The following SHISA9 variants were observed in gnomAD, a reference collection of about 807,000 sequenced individuals.
SHISA9 encodes the protein shisa family member 9.
In SHISA9, 13 loss-of-function variants were observed where a neutral mutation model predicts 38.0. That is an observed-to-expected ratio of 0.34 (90% CI 0.22 to 0.54). The LOEUF is 0.54. SHISA9 is among the 20% of genes least tolerant of loss of function. The pLI is 0.91. For synonymous variants in SHISA9, 275 were observed against 242.0 expected (o/e 1.14, Z -1.27); for missense variants, 538 against 575.8 (o/e 0.93, Z 0.67).
At chr16:13,083,198 C>A (rs1013797981) in intron 2 of SHISA9, among the ~76,000 whole-genome samples, 2 of 152,174 alleles carry the variant, frequency 1.3e-5, no homozygotes, top group African/African-American at 4.8e-5. Flanking sequence ...TTTCTCCTGG[C>A]AGTTCGTGGC....
chr16:12,996,225 A>G (rs1422456888), intron 2 of SHISA9, among the ~76,000 whole-genome samples: 1 of 152,146 alleles, frequency 6.6e-6, no homozygotes, highest in Non-Finnish European at 1.5e-5. Context: ...TTTTTTTCAA[A>G]TTAAATTAAT....
intron 2 of SHISA9, among the ~76,000 whole-genome samples, chr16:13,047,150 T>C (rs772696803): frequency 2.0e-5 from 3 of 152,198 alleles, no homozygotes; most frequent in Non-Finnish European, 4.4e-5. Context: ...CAACTCTTTT[T>C]ACTTGCCTTG....
chr16:13,331,145 T>C, the SHISA9 span, among the ~76,000 whole-genome samples: 1 of 151,994 alleles, frequency 6.6e-6, no homozygotes, highest in Non-Finnish European at 1.5e-5. Flanking sequence ...GGACCAGACA[T>C]AACAATGGTG....
At position 13,235,751 on chromosome 16, in the gene SHISA9, C is replaced by T. The variant is rs1206379168; in HGVS notation, c.*342C>T. The T allele has an allele frequency of 7.2e-6, 2 of 277,708 alleles. No individual in the cohort carries two copies. The highest frequency in any genetic ancestry group is 4.4e-5 in the African/African-American group (2 of 45,538). 17.2% of individuals were successfully genotyped at this position (277,708 alleles called of 1,614,324 possible). ...TTCCTCCTAACTTGAAACTGAAATC[C>T]ATGGTGACAAAATATAAAAGTAGCA... On this transcript the variant is annotated 3_prime_UTR_variant, in exon 5 of 5. Transcript: ENST00000558583.
chr16:12,963,630 A>G (rs1206082746), intron 2 of SHISA9, among the ~76,000 whole-genome samples: 1 of 152,214 alleles, frequency 6.6e-6, no homozygotes, highest in Non-Finnish European at 1.5e-5. Flanking sequence ...GGTAGCTACT[A>G]TTAGTTCTCC....
chr16:12,953,521 A>C (rs2071788057), intron 2 of SHISA9, among the ~76,000 whole-genome samples: 1 of 152,220 alleles, frequency 6.6e-6, no homozygotes, highest in South Asian at 2.1e-4. Flanking sequence ...GATTGATTGA[A>C]TATTTGATTC....
chr16:13,003,279 C>T (rs1306672448), intron 2 of SHISA9, among the ~76,000 whole-genome samples: 2 of 152,114 alleles, frequency 1.3e-5, no homozygotes, highest in Non-Finnish European at 2.9e-5. Flanking sequence ...TGTTTCAAGG[C>T]AGGGGGAAAA....
chr16:13,401,082 A>G, the SHISA9 span, among the ~76,000 whole-genome samples: 2 of 152,196 alleles, frequency 1.3e-5, no homozygotes, highest in Non-Finnish European at 2.9e-5. Context: ...ACCTTGGGAA[A>G]GTGCTATAAG....
chr16:13,282,279 A>G, the SHISA9 span, among the ~76,000 whole-genome samples: 1 of 151,702 alleles, frequency 6.6e-6, no homozygotes, highest in Non-Finnish European at 1.5e-5. Context: ...AGACTTTTTG[A>G]TTGCCAACTT....
chr16:13,429,555 C>T, the SHISA9 span, among the ~76,000 whole-genome samples: 19 of 152,164 alleles, frequency 1.2e-4, no homozygotes, highest in Non-Finnish European at 5.9e-5. Context: ...TATTGGATTA[C>T]AGGCCCTCCC....
chr16:13,393,159 C>T, the SHISA9 span, among the ~76,000 whole-genome samples: 3 of 152,168 alleles, frequency 2.0e-5, no homozygotes, highest in Non-Finnish European at 4.4e-5. Flanking sequence ...GATGTTTGCT[C>T]CTGATACCCT....
At chr16:13,061,561 C>T (rs1320066900) in intron 2 of SHISA9, among the ~76,000 whole-genome samples, 1 of 152,106 alleles carries the variant, frequency 6.6e-6, no homozygotes, top group Non-Finnish European at 1.5e-5. Context: ...ACTGGGAGTG[C>T]CCAATACTTA....
chr16:13,213,233 C>A lies in SHISA9; in HGVS notation c.848-20C>A, dbSNP rs1252554703. ...CCCTGCAAACAGATCATCAGCATTTCTTGATTGTTATTTTTTTAGGAAGTT... is the reference window on the plus strand; with the variant it reads ...CCCTGCAAACAGATCATCAGCATTTATTGATTGTTATTTTTTTAGGAAGTT... On this transcript the variant is annotated intron_variant, in intron 3 of 4. Transcript: ENST00000558583. 3 of 1,551,024 alleles carry A rather than the reference C, an allele frequency of 1.9e-6. No homozygotes were observed. Among genetic ancestry groups the A allele is most frequent in the Non-Finnish European group, 2.6e-6 (3 of 1,146,510 alleles).
rs142252281 is a variant in SHISA9, at chr16:13,047,207, G to C, written c.691+130392G>C. ...TGTTTTGAAAATTCCCACTCTGGCA[G>C]TTTTCTTAGAGGTTTAATAAATTCT... On this transcript the variant is annotated intron_variant, in intron 2 of 4. Coordinates refer to ENST00000558583, the MANE Select transcript of SHISA9 (RefSeq NM_001145204.3). 2.1e-4 allele frequency among the ~76,000 whole-genome samples: 32 copies of C among 152,112 alleles called. No homozygotes were observed. In the East Asian group the frequency reaches 5.6e-3, roughly 27 times the overall value.
the SHISA9 span, among the ~76,000 whole-genome samples, chr16:13,475,970 G>C: frequency 0.13 from 19,439 of 152,162 alleles, 1,404 homozygotes; most frequent in Non-Finnish European, 0.16. Context: ...GGGAGCAGCT[G>C]TAAATAAAGA....
intron 4 of SHISA9, among the ~76,000 whole-genome samples, chr16:13,231,691 C>T (rs1256812420): frequency 6.6e-6 from 1 of 152,172 alleles, no homozygotes; most frequent in East Asian, 1.9e-4. Context: ...ATGTGGCTTC[C>T]TGGGTTGTTT....
At chr16:12,989,489 A>G (rs2072356445) in intron 2 of SHISA9, among the ~76,000 whole-genome samples, 1 of 151,984 alleles carries the variant, frequency 6.6e-6, no homozygotes, top group Admixed American at 6.6e-5. Context: ...AAACTCATTA[A>G]TTTTTTATGA....
the SHISA9 span, among the ~76,000 whole-genome samples, chr16:13,472,487 G>A: frequency 2.9e-5 from 4 of 138,010 alleles, no homozygotes; most frequent in Admixed American, 8.2e-5. Flanking sequence ...CGCCTCCCAG[G>A]TTCATGCCAT....
chr16:12,953,127 A>C (rs1202713070), intron 2 of SHISA9, among the ~76,000 whole-genome samples: 1 of 151,854 alleles, frequency 6.6e-6, no homozygotes, highest in African/African-American at 2.4e-5. Context: ...TAGAGTGGTC[A>C]GGGGACATCT....
Sources: gnomAD v4.1 joint callset for allele counts (sites outside exome capture counted in the v4.1 genomes callset) on GRCh38, gnomAD v4.1.1 for gene constraint, MANE v1.5 for transcripts, NCBI Gene and HGNC (gene_info 2026-07-23, HGNC 2026-07-21) for gene names.